Variants in NUP210L observed in about 807,000 individuals in gnomAD.
NUP210L encodes nuclear pore membrane glycoprotein 210-like.
A neutral mutation model predicts 208.5 loss-of-function variants in NUP210L; 74 were observed. The ratio of observed to expected loss-of-function variants is 0.35; its 90% CI spans 0.29 to 0.43. The LOEUF is 0.43. Ranked by LOEUF, NUP210L falls within the 20% of genes least tolerant of loss-of-function variation. NUP210L has a pLI of 1.00. For synonymous variants in NUP210L, 780 were observed against 816.9 expected (o/e 0.95, Z 0.77); for missense variants, 1,843 against 2,289.4 (o/e 0.81, Z 3.98).
At chr1:154,106,227 C>T (rs1007907146) in intron 12 of NUP210L, among the ~76,000 whole-genome samples, 1 of 152,106 alleles carries the variant, frequency 6.6e-6, no homozygotes, top group Non-Finnish European at 1.5e-5. Context: ...TGCCACTGCA[C>T]TCCAGCCTGG....
intron 10 of NUP210L, 135 bp from the exon 11 acceptor site, chr1:154,118,943 A>T: frequency 2.2e-6 from 1 of 458,544 alleles, no homozygotes; most frequent in Non-Finnish European, 3.8e-6. Context: ...AAAAGAAATA[A>T]ATAAATATTT....
intron 25 of NUP210L, among the ~76,000 whole-genome samples, chr1:154,052,534 A>G (rs1653574740): frequency 6.6e-6 from 1 of 152,218 alleles, no homozygotes; most frequent in Non-Finnish European, 1.5e-5. Context: ...GATAGTGGTG[A>G]TCACCGTTGC....
Position 154,120,407 on chromosome 1 carries a change from C to G in NUP210L, c.1327-1599G>C, listed in dbSNP as rs189682757. ...AAACCAAACACCGTATGCTCTCACTCATAGGTGGGAATTGAACAATGAGAA... is the reference window on the plus strand; with the variant it reads ...AAACCAAACACCGTATGCTCTCACTGATAGGTGGGAATTGAACAATGAGAA... On this transcript the variant is annotated intron_variant, in intron 10 of 39. Transcript: ENST00000368559. Among the ~76,000 whole-genome samples, 3 of 152,080 alleles carry G rather than the reference C, an allele frequency of 2.0e-5. No individual in the cohort carries two copies. In the East Asian group the frequency reaches 5.8e-4, roughly 29 times the overall value.
At chr1:154,070,125 AACCAAC>A (rs1055403655) in intron 17 of NUP210L, 142 bp downstream of exon 17, 40 of 612,488 alleles carry the variant, frequency 6.5e-5, no homozygotes, top group Middle Eastern at 3.9e-4. Context: ...GGGTGCAGCA[AACCAAC>A]ATGGCACATG....
At chr1:153,992,738 A>G (rs1018223709) in exon 40 of NUP210L, 28 of 771,428 alleles carry the variant, frequency 3.6e-5, no homozygotes, top group Middle Eastern at 4.8e-4. Context: ...CAGAAGCCTT[A>G]TCTGGAAACT....
At chr1:154,045,959 TG>T in intron 27 of NUP210L, 109 bp downstream of exon 27, 1 of 1,017,942 alleles carries the variant, frequency 9.8e-7, no homozygotes, top group Non-Finnish European at 1.4e-6. Flanking sequence ...CACTCCAGCC[TG>T]GGGGACAGAG....
At chr1:154,018,043 T>C (rs1017394760) in intron 33 of NUP210L, among the ~76,000 whole-genome samples, 5 of 151,198 alleles carry the variant, frequency 3.3e-5, no homozygotes, top group African/African-American at 1.2e-4. Flanking sequence ...TTGATGTCAG[T>C]TCACTGCAAC....
chr1:154,144,685 T>C (rs1659032322), intron 2 of NUP210L, among the ~76,000 whole-genome samples: 1 of 152,236 alleles, frequency 6.6e-6, no homozygotes, highest in Non-Finnish European at 1.5e-5. Flanking sequence ...TAACATTTAG[T>C]TTTAGCTTCA....
chr1:154,065,892 C>CAAAAA (rs58053478), intron 17 of NUP210L, among the ~76,000 whole-genome samples: 40 of 61,112 alleles, frequency 6.5e-4, no homozygotes, highest in Admixed American at 2.0e-3. Context: ...GACTCTGTCT[C>CAAAAA]AAAAAAAAAA....
At chr1:154,078,851 C>G (rs1211322672) in intron 16 of NUP210L, 1 of 152,142 alleles carries the variant, frequency 6.6e-6, no homozygotes, top group African/African-American at 2.4e-5. Flanking sequence ...TAAGCCAACA[C>G]TAAACAAGAA....
chr1:154,117,847 A>T (rs1371401888), exon 12 of NUP210L: 3 of 1,612,482 alleles, frequency 1.9e-6, no homozygotes, highest in Non-Finnish European at 2.5e-6. Flanking sequence ...TCATTAGAAG[A>T]AGTCCAGGTA....
chr1:154,009,792 C>CAAAAAAA (rs373230285), intron 35 of NUP210L, among the ~76,000 whole-genome samples, 180 bp downstream of exon 35: 5 of 64,574 alleles, frequency 7.7e-5, no homozygotes, highest in East Asian at 5.0e-4. Flanking sequence ...GACCCAGTCT[C>CAAAAAAA]AAAAAAAAAA....
rs1275119611 is a variant in NUP210L, at chr1:154,010,042, G to C, written c.4860C>G (p.Phe1620Leu). 3 of 1,613,566 alleles carry C rather than the reference G, an allele frequency of 1.9e-6. No individual in the cohort carries two copies. Among genetic ancestry groups the C allele is most frequent in the Non-Finnish European group, 2.5e-6 (3 of 1,179,716 alleles). The change falls in exon 35 of 40, where the codon TTC becomes TTG. Residue 1620 changes from phenylalanine to leucine, a missense_variant. Coordinates refer to ENST00000368559, the Ensembl canonical transcript of NUP210L. ...CTGGAATGTCTAGCAAAGTATTACT[G>C]AACTGTACATGGCACAGCATGAGGG...
At chr1:154,138,287 C>A (rs766315904) in intron 5 of NUP210L, 49 bp from the exon 6 acceptor site, 1 of 1,477,268 alleles carries the variant, frequency 6.8e-7, no homozygotes, top group Non-Finnish European at 9.0e-7. Context: ...ATGGACGGAA[C>A]CCTCACAGTC....
chr1:154,100,465 C>A (rs1481254428), intron 13 of NUP210L, among the ~76,000 whole-genome samples: 1 of 148,260 alleles, frequency 6.7e-6, no homozygotes, highest in Admixed American at 6.7e-5. Context: ...AAAAAAAACC[C>A]AAAACAAATA....
At chr1:153,998,744 G>A (rs1364135080) in intron 37 of NUP210L, among the ~76,000 whole-genome samples, 9 of 143,090 alleles carry the variant, frequency 6.3e-5, no homozygotes, top group African/African-American at 2.4e-4. Flanking sequence ...TCCTGAGACA[G>A]GGTCTCGTTT....
At chr1:154,042,495 C>T (rs944505542) in intron 27 of NUP210L, among the ~76,000 whole-genome samples, 1 of 152,046 alleles carries the variant, frequency 6.6e-6, no homozygotes, top group African/African-American at 2.4e-5. Context: ...GGCGCAATCT[C>T]GCCTCCCTGC....
At chr1:154,126,068 A>G (rs61805542) in intron 10 of NUP210L, among the ~76,000 whole-genome samples, 132,630 of 151,986 alleles carry the variant, frequency 0.87, 58,134 homozygotes, top group Admixed American at 0.92. Context: ...GCGCCCGGCC[A>G]AGAAATGTTT....
At chr1:154,086,086 C>T (rs1655607148) in intron 16 of NUP210L, among the ~76,000 whole-genome samples, 1 of 151,862 alleles carries the variant, frequency 6.6e-6, no homozygotes, top group African/African-American at 2.4e-5. Context: ...GTGGCGGGCA[C>T]CTGTAATTCC....
Sources: gnomAD v4.1 joint callset for allele counts (sites outside exome capture counted in the v4.1 genomes callset) on GRCh38, gnomAD v4.1.1 for gene constraint, MANE v1.5 for transcripts, NCBI Gene and HGNC (gene_info 2026-07-23, HGNC 2026-07-21) for gene names.